ERICH1: variants seen among roughly 807,000 people sequenced by gnomAD.
ERICH1 encodes glutamate-rich protein 1.
In ERICH1, 56 loss-of-function variants were observed where a neutral mutation model predicts 39.6. The observed-to-expected ratio is 1.41, with a 90% CI of 1.14 to 1.77. ERICH1 has a LOEUF of 1.77. Ranked by LOEUF, ERICH1 falls within the 40% of genes most tolerant of loss-of-function variation. The probability of loss-of-function intolerance (pLI) is 0.00; values close to 1 mark genes in which losing one functional copy is unlikely to be tolerated. For missense variants in ERICH1, 826 were observed against 575.4 expected, an observed-to-expected ratio of 1.44 and a Z score of -4.45; for synonymous variants, 313 against 223.6, an observed-to-expected ratio of 1.40 and a Z score of -3.57.
chr8:615,566 G>T, intron 3 of ERICH1: 1 of 350,224 alleles, frequency 2.9e-6, no homozygotes. Context: ...GGCTGCAGCT[G>T]CAGACAGCTA....
At chr8:630,731 CCACA>C (rs1428359486) in intron 3 of ERICH1, among the ~76,000 whole-genome samples, 1 of 141,922 alleles carries the variant, frequency 7.0e-6, no homozygotes, top group Non-Finnish European at 1.5e-5. Flanking sequence ...CTGTGACCAC[CCACA>C]CAGACAGAGC....
In ERICH1 at chr8:664,327, C is replaced by T. The variant is rs2131775069; in HGVS notation, c.*276G>A. ...TATACATTTAACTTAACAGAATGTC[C>T]ATTTTCAATTTTTACAATAAGTAGA... On this transcript the variant is annotated 3_prime_UTR_variant, in exon 6 of 6. Transcript: ENST00000262109. 1.8e-6 allele frequency: 2 copies of T among 1,092,034 alleles called. No individual in the cohort carries two copies. Among genetic ancestry groups the T allele is most frequent in the East Asian group, 5.5e-5 (1 of 18,060 alleles). 67.6% of individuals were successfully genotyped at this position (1,092,034 alleles called of 1,614,324 possible). A position where few individuals can be genotyped will look rare whatever the true frequency, so the allele number is the denominator to read the frequency against.
At chr8:619,038 A>G (rs1277379489) in intron 3 of ERICH1, among the ~76,000 whole-genome samples, 1 of 152,194 alleles carries the variant, frequency 6.6e-6, no homozygotes, top group Non-Finnish European at 1.5e-5. Context: ...TAGTAACAAC[A>G]GTGAGAGTCT....
At chr8:724,407 C>A (rs996798931) in intron 1 of ERICH1, among the ~76,000 whole-genome samples, 4 of 152,200 alleles carry the variant, frequency 2.6e-5, no homozygotes, top group Non-Finnish European at 5.9e-5. Context: ...TATCACGAAG[C>A]GTTCACAAAC....
At chr8:668,534 T>C in intron 5 of ERICH1, 64 bp downstream of exon 5, 1 of 1,591,264 alleles carries the variant, frequency 6.3e-7, no homozygotes, top group South Asian at 1.1e-5. Context: ...GTGTAAGTCT[T>C]TCAGAGGCAA....
chr8:729,107 G>A (rs1321920999), intron 1 of ERICH1, among the ~76,000 whole-genome samples: 1 of 152,188 alleles, frequency 6.6e-6, no homozygotes, highest in Non-Finnish European at 1.5e-5. Flanking sequence ...TTAGCTCGGG[G>A]AGGGAGGGAT....
At chr8:707,734 G>A (rs973751777) in intron 2 of ERICH1, among the ~76,000 whole-genome samples, 4 of 152,128 alleles carry the variant, frequency 2.6e-5, no homozygotes, top group Non-Finnish European at 5.9e-5. Context: ...CCTTTGATTA[G>A]GCAATGATGT....
intron 3 of ERICH1, among the ~76,000 whole-genome samples, chr8:682,345 G>C (rs1806322049): frequency 1.3e-5 from 2 of 152,224 alleles, no homozygotes; most frequent in South Asian, 4.1e-4. Context: ...CAGGTCAAGG[G>C]GAAAACAACA....
chr8:641,899 T>C (rs1799033993), intron 3 of ERICH1, among the ~76,000 whole-genome samples: 1 of 152,194 alleles, frequency 6.6e-6, no homozygotes, highest in South Asian at 2.1e-4. Context: ...TCTGACCCCA[T>C]CTCGTCCTCC....
chr8:726,389 C>A (rs1818668297), intron 1 of ERICH1, among the ~76,000 whole-genome samples: 1 of 151,850 alleles, frequency 6.6e-6, no homozygotes, highest in Non-Finnish European at 1.5e-5. Flanking sequence ...CATAGACACA[C>A]AGGAAAACAC....
At chr8:654,571 TAAATA>T (rs1160251864) in intron 3 of ERICH1, among the ~76,000 whole-genome samples, 4 of 152,194 alleles carry the variant, frequency 2.6e-5, no homozygotes, top group Non-Finnish European at 5.9e-5. Flanking sequence ...ACTACAGTTT[TAAATA>T]AATTAAAAAA....
chr8:717,218 C>T (rs1208614918), intron 1 of ERICH1, among the ~76,000 whole-genome samples: 2 of 152,152 alleles, frequency 1.3e-5, no homozygotes. Flanking sequence ...ACGATGTGAT[C>T]CCTGAGACCC....
At position 674,026 on chromosome 8, in the gene ERICH1, G is replaced by C; in HGVS notation, c.326C>G (p.Pro109Arg). ...ATGCTTCCTAATTCTTCTTCTCTTT[G>C]GCTGGTCATGAGGATCCTGATCTGT... ...DTEDQDPHDQ[P>R]KRRRIRKHKS... Residue 109 changes from proline (P) to arginine (R), a missense_variant, in exon 4 of 6, where the codon CCA becomes CGA. Transcript: ENST00000262109. The C allele has an allele frequency of 6.4e-7, 1 of 1,565,364 alleles. No homozygotes were observed. Among genetic ancestry groups the C allele is most frequent in the East Asian group, 2.2e-5 (1 of 44,614 alleles).
chr8:628,742 C>T (rs12115088), intron 3 of ERICH1, among the ~76,000 whole-genome samples: 72,181 of 152,108 alleles, frequency 0.47, 17,202 homozygotes, highest in East Asian at 0.53. Context: ...CATACCCTCA[C>T]GTAGTCCCTG....
chr8:675,033 G>T (rs990285043), intron 3 of ERICH1, among the ~76,000 whole-genome samples: 1 of 152,260 alleles, frequency 6.6e-6, no homozygotes, highest in African/African-American at 2.4e-5. Flanking sequence ...AGCATGGCTT[G>T]AAACGGGCGG....
chr8:725,786 A>T (rs1379985143), intron 1 of ERICH1: 2 of 152,670 alleles, frequency 1.3e-5, no homozygotes, highest in Non-Finnish European at 2.9e-5. Flanking sequence ...CCTGGCTGGC[A>T]CGGCGCCTCT....
chr8:687,740 G>A (rs1177882256), intron 3 of ERICH1, among the ~76,000 whole-genome samples: 2 of 152,152 alleles, frequency 1.3e-5, no homozygotes, highest in African/African-American at 4.8e-5. Flanking sequence ...GCCGCGCCCG[G>A]GGGAGCGCGC....
chr8:698,692 T>C (rs1810943852), intron 2 of ERICH1, among the ~76,000 whole-genome samples: 2 of 152,110 alleles, frequency 1.3e-5, no homozygotes, highest in Non-Finnish European at 1.5e-5. Context: ...CATGGCTCAC[T>C]GTCTAGAGCT....
chr8:682,869 G>C (rs936074263), intron 3 of ERICH1, among the ~76,000 whole-genome samples: 1 of 152,154 alleles, frequency 6.6e-6, no homozygotes, highest in African/African-American at 2.4e-5. Context: ...TCAAAGCTAG[G>C]CTACAAATTG....
Sources: allele counts gnomAD v4.1 joint callset (sites outside exome capture counted in the v4.1 genomes callset), GRCh38; gene constraint gnomAD v4.1.1; transcripts MANE v1.5; gene names NCBI Gene and HGNC (gene_info 2026-07-23, HGNC 2026-07-21).